The following SLX4IP variants were observed in gnomAD, a reference collection of about 807,000 sequenced individuals.
The protein encoded by SLX4IP is protein SLX4IP.
Under a neutral mutation model 32.9 loss-of-function variants are expected in SLX4IP, and 34 were observed. The ratio of observed to expected loss-of-function variants is 1.03; its 90% CI spans 0.79 to 1.38. SLX4IP has a LOEUF of 1.38. Ranked by LOEUF, SLX4IP falls within the 40% of genes most tolerant of loss-of-function variation. The pLI is 0.00. For missense variants in SLX4IP, 444 were observed against 479.0 expected, an observed-to-expected ratio of 0.93 and a Z score of 0.68; for synonymous variants, 172 against 171.7, an observed-to-expected ratio of 1.00 and a Z score of -0.01.
chr20:10,459,348 C>T (rs2065316526), intron 2 of SLX4IP, among the ~76,000 whole-genome samples: 1 of 152,174 alleles, frequency 6.6e-6, no homozygotes, highest in East Asian at 1.9e-4. Context: ...TTTTGCTGTG[C>T]AGAAGCTCTT....
At chr20:10,515,274 G>A (rs540291005) in intron 2 of SLX4IP, among the ~76,000 whole-genome samples, 5 of 151,614 alleles carry the variant, frequency 3.3e-5, no homozygotes, top group Admixed American at 6.6e-5. Context: ...TAGTAGCGAC[G>A]GGGTTTCACC....
intron 6 of SLX4IP, among the ~76,000 whole-genome samples, chr20:10,615,137 G>A (rs1754924485): frequency 6.6e-6 from 1 of 152,022 alleles, no homozygotes. Context: ...TTCTCCTGGA[G>A]AGTTCAGTCT....
At chr20:10,442,130 A>G (rs1223825922) in intron 1 of SLX4IP, among the ~76,000 whole-genome samples, 1 of 152,250 alleles carries the variant, frequency 6.6e-6, no homozygotes. Context: ...TTAGAAACCT[A>G]AAGTTAATTT....
rs906717582 is a variant in SLX4IP at position 10,526,711 on chromosome 20, G to T, written c.28-29520G>T. 8.5e-5 allele frequency among the ~76,000 whole-genome samples: 13 copies of T among 152,224 alleles called. No homozygotes were observed. In the East Asian group the frequency reaches 2.5e-3, roughly 29 times the overall value. On this transcript the variant is annotated intron_variant, in intron 2 of 7. Coordinates refer to ENST00000334534, the MANE Select transcript of SLX4IP (RefSeq NM_001009608.3). Reference sequence around the variant, plus strand: ...CATGCCTGTAATCCCAGCACTTTGGGAGGCTGAGGTGGGTGGATCACTTGA... The same window carrying T: ...CATGCCTGTAATCCCAGCACTTTGGTAGGCTGAGGTGGGTGGATCACTTGA...
At chr20:10,512,039 G>A (rs2065812146) in intron 2 of SLX4IP, among the ~76,000 whole-genome samples, 1 of 152,160 alleles carries the variant, frequency 6.6e-6, no homozygotes, top group Non-Finnish European at 1.5e-5. Context: ...TCTAGAACAG[G>A]GGTTGGCAAA....
chr20:10,531,861 TGGTGTATCAGA>T (rs1406378009), intron 2 of SLX4IP, among the ~76,000 whole-genome samples: 1 of 152,180 alleles, frequency 6.6e-6, no homozygotes, highest in Non-Finnish European at 1.5e-5. Context: ...GAAGCAAACA[TGGTGTATCAGA>T]GGAGCAAGTT....
At chr20:10,613,723 C>T in intron 6 of SLX4IP, 1 of 1,613,244 alleles carries the variant, frequency 6.2e-7, no homozygotes, top group Non-Finnish European at 8.5e-7. Flanking sequence ...GCGTCAATAG[C>T]TTGCTGAATG....
At chr20:10,481,273 G>C (rs1317522299) in intron 2 of SLX4IP, among the ~76,000 whole-genome samples, 1 of 152,108 alleles carries the variant, frequency 6.6e-6, no homozygotes, top group African/African-American at 2.4e-5. Flanking sequence ...TGAAAAGATG[G>C]CTGCACTTGT....
intron 7 of SLX4IP, among the ~76,000 whole-genome samples, chr20:10,622,427 A>G (rs2067122220): frequency 6.6e-6 from 1 of 152,180 alleles, no homozygotes; most frequent in Non-Finnish European, 1.5e-5. Context: ...TTTTAACCCA[A>G]TGATTGATAA....
intron 4 of SLX4IP, among the ~76,000 whole-genome samples, chr20:10,590,290 T>G (rs1428074146): frequency 6.6e-6 from 1 of 152,114 alleles, no homozygotes; most frequent in Non-Finnish European, 1.5e-5. Flanking sequence ...ATCTTTTCAT[T>G]TTCCCCCATA....
intron 6 of SLX4IP, chr20:10,613,812 T>G (rs1480158585): frequency 1.5e-5 from 24 of 1,612,584 alleles, no homozygotes; most frequent in Non-Finnish European, 2.0e-5. Flanking sequence ...ACCCTTGAAG[T>G]CCAGATAGGC....
intron 2 of SLX4IP, among the ~76,000 whole-genome samples, chr20:10,472,032 C>T (rs1006140585): frequency 6.6e-6 from 1 of 152,132 alleles, no homozygotes; most frequent in Admixed American, 6.5e-5. Context: ...ATCACAAGGT[C>T]AAGAGGAGAG....
At chr20:10,537,807 G>T (rs1165124488) in intron 2 of SLX4IP, among the ~76,000 whole-genome samples, 1 of 152,136 alleles carries the variant, frequency 6.6e-6, no homozygotes, top group Admixed American at 6.5e-5. Context: ...CAAGAGAAAG[G>T]ACAACATGAT....
chr20:10,477,763 G>C (rs1197956038), intron 2 of SLX4IP, among the ~76,000 whole-genome samples: 1 of 152,178 alleles, frequency 6.6e-6, no homozygotes. Context: ...AGCTTAATTA[G>C]TAATCAAAGA....
intron 2 of SLX4IP, among the ~76,000 whole-genome samples, chr20:10,549,218 T>C (rs1399699516): frequency 6.6e-6 from 1 of 152,212 alleles, no homozygotes; most frequent in Non-Finnish European, 1.5e-5. Flanking sequence ...CTGCATTCTT[T>C]TCTTTCCCCT....
At chr20:10,608,175 G>C (rs992041963) in intron 6 of SLX4IP, among the ~76,000 whole-genome samples, 2 of 152,140 alleles carry the variant, frequency 1.3e-5, no homozygotes, top group Non-Finnish European at 2.9e-5. Context: ...TAGAACAACT[G>C]GAAAAGGGAT....
In SLX4IP at chr20:10,451,221, C is replaced by G. The variant is rs147782888; in HGVS notation, c.-29-6955C>G. ...TGTCACCCAGGCTGGAGTGCAGTAG[C>G]GTAATCTCGGCTCACTGCAATTTGC... is the stretch of plus-strand genomic sequence containing the variant. On this transcript the variant is annotated intron_variant, in intron 1 of 7. Transcript: ENST00000334534. Among the ~76,000 whole-genome samples, 714 of 151,390 alleles carry G rather than the reference C, an allele frequency of 4.7e-3. 5 individuals are homozygous for G. Among genetic ancestry groups the G allele is most frequent in the African/African-American group, 0.016 (656 of 41,264 alleles).
intron 1 of SLX4IP, among the ~76,000 whole-genome samples, chr20:10,448,039 G>C (rs142580592): frequency 1.3e-5 from 2 of 152,004 alleles, no homozygotes; most frequent in African/African-American, 2.4e-5. Flanking sequence ...GATTTCTGTA[G>C]TGTTTAGCTA....
chr20:10,455,190 T>C (rs60460481), intron 1 of SLX4IP, among the ~76,000 whole-genome samples: 5,709 of 152,288 alleles, frequency 0.037, 356 homozygotes, highest in African/African-American at 0.13. Flanking sequence ...ATTATCTTTT[T>C]ACTTTCTTGG....
Sources: gnomAD v4.1 joint callset for allele counts (sites outside exome capture counted in the v4.1 genomes callset) on GRCh38, gnomAD v4.1.1 for gene constraint, MANE v1.5 for transcripts, NCBI Gene and HGNC (gene_info 2026-07-23, HGNC 2026-07-21) for gene names.